The following CSMD1 variants were observed in gnomAD, a reference collection of about 807,000 sequenced individuals.
CSMD1 encodes the protein CUB and sushi domain-containing protein 1.
In CSMD1, 213 loss-of-function variants were observed where a neutral mutation model predicts 417.5. The observed-to-expected ratio is 0.51, with a 90% CI of 0.46 to 0.57. The LOEUF is 0.57. CSMD1 is among the 20% of genes least tolerant of loss of function. The probability of loss-of-function intolerance (pLI) is 0.00; values close to 1 mark genes in which losing one functional copy is unlikely to be tolerated. For synonymous variants in CSMD1, 2,862 were observed against 1,736.8 expected (o/e 1.65, Z -16.11); for missense variants, 6,923 against 4,529.7 (o/e 1.53, Z -15.17).
At position 4,157,722 on chromosome 8, in the gene CSMD1, T is replaced by G. The variant is rs147611473; in HGVS notation, c.416-125623A>C. Reference sequence around the variant, plus strand: ...GGGTGGGTCTGCACAGTTGTCCCTCTGGCCGTCCTTTTCCTAGGAGTCAGG... The same window carrying G: ...GGGTGGGTCTGCACAGTTGTCCCTCGGGCCGTCCTTTTCCTAGGAGTCAGG... On this transcript the variant is annotated intron_variant, in intron 3 of 69. Coordinates refer to ENST00000635120, the MANE Select transcript of CSMD1 (RefSeq NM_033225.6). Among the ~76,000 whole-genome samples, 25 of 152,326 alleles carry G rather than the reference T, an allele frequency of 1.6e-4. No homozygotes were observed. In the East Asian group the frequency reaches 4.5e-3, roughly 27 times the overall value.
chr8:3,984,494 G>C (rs1483148645), intron 5 of CSMD1, among the ~76,000 whole-genome samples: 5 of 151,636 alleles, frequency 3.3e-5, no homozygotes, highest in African/African-American at 1.2e-4. Flanking sequence ...ATAATGACTA[G>C]CTCATTTTGA....
At chr8:4,567,467 G>C (rs952840560) in intron 2 of CSMD1, among the ~76,000 whole-genome samples, 1 of 152,162 alleles carries the variant, frequency 6.6e-6, no homozygotes, top group Non-Finnish European at 1.5e-5. Flanking sequence ...GAAGGAGGAA[G>C]AAAAGAGCAA....
intron 1 of CSMD1, among the ~76,000 whole-genome samples, chr8:4,793,690 A>C (rs1388763779): frequency 6.6e-6 from 1 of 152,156 alleles, no homozygotes; most frequent in Non-Finnish European, 1.5e-5. Context: ...GAAAGTGTAC[A>C]TGGAGAGGTT....
chr8:4,464,730 G>T (rs966089431), intron 2 of CSMD1, among the ~76,000 whole-genome samples: 1 of 152,112 alleles, frequency 6.6e-6, no homozygotes, highest in Non-Finnish European at 1.5e-5. Flanking sequence ...ACACTGATTG[G>T]ATCATCAGCA....
intron 3 of CSMD1, among the ~76,000 whole-genome samples, chr8:4,362,980 A>C (rs1262492434): frequency 6.6e-6 from 1 of 152,226 alleles, no homozygotes; most frequent in Non-Finnish European, 1.5e-5. Flanking sequence ...TGCTATCAAC[A>C]AACATCTCAG....
At chr8:4,460,964 A>G (rs1278424318) in intron 2 of CSMD1, among the ~76,000 whole-genome samples, 1 of 152,128 alleles carries the variant, frequency 6.6e-6, no homozygotes, top group East Asian at 1.9e-4. Flanking sequence ...AGTTATAGAT[A>G]GAAACTACAG....
In CSMD1 at chr8:4,128,490, ACAAC is replaced by A. The variant is rs779871775; in HGVS notation, c.416-96395_416-96392del. Among the ~76,000 whole-genome samples the A allele has an allele frequency of 7.6e-4, 115 of 150,784 alleles. No individual in the cohort carries two copies. In the Middle Eastern group the frequency reaches 0.01, roughly 14 times the overall value. On this transcript the variant is annotated intron_variant, in intron 3 of 69. Transcript: ENST00000635120. The stretch of plus-strand genomic sequence containing the variant: ...TGCTCTCCAAGGTTTAAAATTTAAA[ACAAC>A]CAAACAAACAAACACATTGCTTACT...
chr8:3,409,669 A>T, intron 12 of CSMD1, 64 bp from the exon 13 acceptor site: 2 of 1,320,116 alleles, frequency 1.5e-6, no homozygotes, highest in Non-Finnish European at 2.0e-6. Context: ...TTATCTCTAC[A>T]ACTTAGAAAG....
At chr8:4,592,061 C>G (rs1800017061) in intron 2 of CSMD1, among the ~76,000 whole-genome samples, 1 of 151,952 alleles carries the variant, frequency 6.6e-6, no homozygotes, top group African/African-American at 2.4e-5. Context: ...TCTGAGGTAC[C>G]GGAGGGACGT....
chr8:3,800,126 A>C (rs961773850), intron 5 of CSMD1, among the ~76,000 whole-genome samples: 25 of 152,122 alleles, frequency 1.6e-4, no homozygotes, highest in Non-Finnish European at 3.5e-4. Context: ...GGCGCTATTT[A>C]TATTGTGTAT....
chr8:3,030,014 A>G (rs1275579174), intron 50 of CSMD1, among the ~76,000 whole-genome samples: 1 of 152,078 alleles, frequency 6.6e-6, no homozygotes, highest in Non-Finnish European at 1.5e-5. Context: ...GTAGAAACAC[A>G]CAGAAATACA....
chr8:3,080,259 T>G (rs1813990257), intron 49 of CSMD1, among the ~76,000 whole-genome samples: 2 of 152,170 alleles, frequency 1.3e-5, no homozygotes, highest in Admixed American at 6.5e-5. Context: ...AGAATTTCAG[T>G]TCTAATTCAG....
intron 37 of CSMD1, among the ~76,000 whole-genome samples, chr8:3,169,619 T>G (rs769860067): frequency 7.2e-5 from 11 of 152,212 alleles, no homozygotes; most frequent in South Asian, 2.1e-4. Flanking sequence ...TTAATACCAC[T>G]GAACTGTACG....
At chr8:4,795,694 G>A (rs1322243116) in intron 1 of CSMD1, among the ~76,000 whole-genome samples, 1 of 152,056 alleles carries the variant, frequency 6.6e-6, no homozygotes, top group Non-Finnish European at 1.5e-5. Flanking sequence ...TGTGAACTGG[G>A]ATCCGCAGAT....
intron 49 of CSMD1, among the ~76,000 whole-genome samples, chr8:3,075,769 C>T (rs572827735): frequency 1.9e-4 from 28 of 149,892 alleles, no homozygotes; most frequent in Admixed American, 4.0e-4. Flanking sequence ...TGGCTGGGCG[C>T]GGTGGCTCAT....
chr8:3,731,852 T>C (rs1438319127), intron 6 of CSMD1, among the ~76,000 whole-genome samples: 1 of 152,180 alleles, frequency 6.6e-6, no homozygotes, highest in Non-Finnish European at 1.5e-5. Context: ...TCCATCATTA[T>C]CACTGCTTTA....
At chr8:3,909,266 G>A (rs146088778) in intron 5 of CSMD1, among the ~76,000 whole-genome samples, 1 of 152,276 alleles carries the variant, frequency 6.6e-6, no homozygotes, top group African/African-American at 2.4e-5. Context: ...AAAGGTGTCA[G>A]TGTTGAGGCA....
chr8:4,240,385 C>A (rs17069699), intron 3 of CSMD1, among the ~76,000 whole-genome samples: 8,400 of 152,306 alleles, frequency 0.055, 363 homozygotes, highest in Admixed American at 0.088. Flanking sequence ...ATTTTGCAGG[C>A]ATCACAGTTG....
At chr8:4,411,833 A>C (rs1003862223) in intron 3 of CSMD1, among the ~76,000 whole-genome samples, 1 of 152,210 alleles carries the variant, frequency 6.6e-6, no homozygotes, top group Non-Finnish European at 1.5e-5. Context: ...ACTTTTATTT[A>C]TATTTTTACC....
Sources: gnomAD v4.1 joint callset for allele counts (sites outside exome capture counted in the v4.1 genomes callset) on GRCh38, gnomAD v4.1.1 for gene constraint, MANE v1.5 for transcripts, NCBI Gene and HGNC (gene_info 2026-07-23, HGNC 2026-07-21) for gene names.